PHAF1: variants seen among roughly 807,000 people sequenced by gnomAD.
The protein encoded by PHAF1 is phagophore assembly factor 1, also known as phagosome assembly factor 1.
A neutral mutation model predicts 63.1 loss-of-function variants in PHAF1; 23 were observed. The observed-to-expected ratio is 0.36, with a 90% CI of 0.26 to 0.52. The LOEUF (loss-of-function observed/expected upper bound fraction) is 0.52. Ranked by LOEUF, PHAF1 falls within the 20% of genes least tolerant of loss-of-function variation. PHAF1 has a pLI of 0.93. For synonymous variants in PHAF1, 167 were observed against 185.0 expected, an observed-to-expected ratio of 0.90 and a Z score of 0.79; for missense variants, 427 against 517.2, an observed-to-expected ratio of 0.83 and a Z score of 1.69.
chr16:67,139,856 T>C (rs1022100036), intron 8 of PHAF1, 128 bp from the exon 9 acceptor site: 27 of 1,007,620 alleles, frequency 2.7e-5, no homozygotes, highest in Non-Finnish European at 3.7e-5. Flanking sequence ...ATGTTTCTGA[T>C]TGCATGCAGT....
chr16:67,120,468 T>A (rs1962926570), intron 2 of PHAF1, among the ~76,000 whole-genome samples: 2 of 151,974 alleles, frequency 1.3e-5, no homozygotes, highest in Admixed American at 6.6e-5. Flanking sequence ...GACTTTTCAG[T>A]GGTAGGTCGC....
At chr16:67,111,374 G>C (rs910805824) in intron 1 of PHAF1, among the ~76,000 whole-genome samples, 1 of 152,176 alleles carries the variant, frequency 6.6e-6, no homozygotes, top group Non-Finnish European at 1.5e-5. Flanking sequence ...TGATGTCCCA[G>C]CACTAAGAAA....
intron 2 of PHAF1, among the ~76,000 whole-genome samples, chr16:67,122,356 A>G (rs1260242741): frequency 6.6e-6 from 1 of 152,160 alleles, no homozygotes; most frequent in African/African-American, 2.4e-5. Context: ...TCACACCACT[A>G]ACCCCAACAC....
At chr16:67,116,183 CAT>C (rs779448644) in intron 1 of PHAF1, among the ~76,000 whole-genome samples, 2 of 152,158 alleles carry the variant, frequency 1.3e-5, no homozygotes, top group Non-Finnish European at 2.9e-5. Context: ...CCAGCTTGTT[CAT>C]ATTCTCAAAC....
intron 3 of PHAF1, 105 bp from the exon 4 acceptor site, chr16:67,131,181 T>A: frequency 1.0e-5 from 1 of 98,066 alleles, no homozygotes; most frequent in East Asian, 2.7e-4. Flanking sequence ...TTGGTAATAG[T>A]TTTTTTTTTT....
chr16:67,130,528 T>G (rs2145857655), intron 3 of PHAF1, among the ~76,000 whole-genome samples: 1 of 152,000 alleles, frequency 6.6e-6, no homozygotes, highest in African/African-American at 2.4e-5. Flanking sequence ...TTTGTATTTT[T>G]GGTAGAGACA....
chr16:67,130,820 C>T (rs1332636475), intron 3 of PHAF1, among the ~76,000 whole-genome samples: 1 of 152,156 alleles, frequency 6.6e-6, no homozygotes, highest in Non-Finnish European at 1.5e-5. Flanking sequence ...CAGAAGTGGA[C>T]TGCATGTAAG....
intron 3 of PHAF1, among the ~76,000 whole-genome samples, chr16:67,130,720 G>A (rs551925249): frequency 6.6e-6 from 1 of 152,304 alleles, no homozygotes; most frequent in African/African-American, 2.4e-5. Flanking sequence ...GGGAGGAAGG[G>A]GGCTTAGTGC....
intron 1 of PHAF1, among the ~76,000 whole-genome samples, chr16:67,118,266 C>T (rs1319140352): frequency 6.7e-6 from 1 of 149,756 alleles, no homozygotes. Context: ...AGCCACTGCA[C>T]CTGGCTGCCT....
rs867499758 is a variant in PHAF1 at position 67,121,825 on chromosome 16, C to T, written c.147+1631C>T. On this transcript the variant is annotated intron_variant, in intron 2 of 15. Transcript: ENST00000219139. The stretch of plus-strand genomic sequence containing the variant: ...GAACTCCTGACCTCAGGTGATCCAC[C>T]GGCCTCGGCCTCCCAAAGTACTGGG... Among the ~76,000 whole-genome samples the T allele has an allele frequency of 3.9e-5, 6 of 152,252 alleles. No homozygotes were observed. In the South Asian group the frequency reaches 6.2e-4, roughly 16 times the overall value.
At position 67,110,042 on chromosome 16, in the gene PHAF1, C is replaced by T; in HGVS notation, c.-134C>T. 1.1e-6 allele frequency: 1 copy of T among 894,124 alleles called. No homozygotes were observed. Among genetic ancestry groups the T allele is most frequent in the Non-Finnish European group, 1.7e-6 (1 of 582,018 alleles). The allele number at this position is 894,124 out of a possible 1,614,324, so 55.4% of individuals were successfully genotyped here. A position where few individuals can be genotyped will look rare whatever the true frequency, so the allele number is the denominator to read the frequency against. On this transcript the variant is annotated 5_prime_UTR_variant, in exon 1 of 16. Transcript: ENST00000219139. ...GTTGGGCCGGTGCTGCTGCCGCTGC[C>T]GCCGGGGAGGAGGTGGAAAGCGGGG...
At chr16:67,141,606 G>A (rs1336902749) in intron 10 of PHAF1, among the ~76,000 whole-genome samples, 2 of 152,246 alleles carry the variant, frequency 1.3e-5, no homozygotes, top group African/African-American at 4.8e-5. Context: ...GCGAGTGAAT[G>A]TGGCATCCGG....
intron 8 of PHAF1, chr16:67,135,272 C>T: frequency 6.5e-6 from 1 of 153,044 alleles, no homozygotes; most frequent in Non-Finnish European, 1.5e-5. Flanking sequence ...CTCAGCCTCC[C>T]AAGTAGCTGG....
At chr16:67,141,677 C>T (rs956642562) in intron 10 of PHAF1, among the ~76,000 whole-genome samples, 4 of 152,230 alleles carry the variant, frequency 2.6e-5, no homozygotes, top group Non-Finnish European at 5.9e-5. Flanking sequence ...CAGGCGCCAG[C>T]ATAGGCACCA....
At chr16:67,137,956 C>A (rs963142450) in intron 8 of PHAF1, among the ~76,000 whole-genome samples, 20 of 152,200 alleles carry the variant, frequency 1.3e-4, no homozygotes, top group African/African-American at 4.6e-4. Context: ...TTCTCATATC[C>A]TTCCTTATGG....
intron 10 of PHAF1, 101 bp downstream of exon 10, chr16:67,140,695 C>A: frequency 1.0e-6 from 1 of 953,468 alleles, no homozygotes; most frequent in South Asian, 1.4e-5. Context: ...CATGCCTGGA[C>A]ATTGGGGAAC....
chr16:67,143,862 G>T (rs1963894665), intron 10 of PHAF1, among the ~76,000 whole-genome samples: 1 of 152,212 alleles, frequency 6.6e-6, no homozygotes, highest in South Asian at 2.1e-4. Flanking sequence ...GCCGAGGTGG[G>T]CGGATCACCT....
intron 1 of PHAF1, among the ~76,000 whole-genome samples, chr16:67,112,030 G>A (rs1171967252): frequency 6.6e-6 from 1 of 152,052 alleles, no homozygotes; most frequent in Non-Finnish European, 1.5e-5. Flanking sequence ...CCATTCTCTC[G>A]TGAAGCACTA....
intron 1 of PHAF1, among the ~76,000 whole-genome samples, chr16:67,116,042 G>A (rs959203156): frequency 7.9e-5 from 12 of 152,140 alleles, no homozygotes; most frequent in East Asian, 1.9e-4. Context: ...GAAGCCATGC[G>A]GCCTTCCTCT....
Sources: gnomAD v4.1 joint callset for allele counts (sites outside exome capture counted in the v4.1 genomes callset) on GRCh38, gnomAD v4.1.1 for gene constraint, MANE v1.5 for transcripts, NCBI Gene and HGNC (gene_info 2026-07-23, HGNC 2026-07-21) for gene names.